TJP1: variants seen among roughly 807,000 people sequenced by gnomAD.
TJP1 encodes the protein tight junction protein ZO-1.
Under a neutral mutation model 194.2 loss-of-function variants are expected in TJP1, and 43 were observed. The observed-to-expected ratio is 0.22, with a 90% confidence interval of 0.17 to 0.29. TJP1 has a LOEUF of 0.29. Among genes scored for constraint, TJP1 ranks in the 10% least tolerant of loss-of-function variants. The probability of loss-of-function intolerance (pLI) is 1.00; values close to 1 mark genes in which losing one functional copy is unlikely to be tolerated. For missense variants in TJP1, 1,971 were observed against 2,185.7 expected, an observed-to-expected ratio of 0.90 and a Z score of 1.96; for synonymous variants, 801 against 779.0, an observed-to-expected ratio of 1.03 and a Z score of -0.47.
intron 2 of TJP1, among the ~76,000 whole-genome samples, chr15:29,864,057 T>C (rs938528267): frequency 7.9e-5 from 12 of 151,936 alleles, no homozygotes; most frequent in Non-Finnish European, 1.3e-4. Context: ...TACTTTTGTC[T>C]TCAACTGGTA....
intron 1 of TJP1, 75 bp downstream of exon 1, chr15:29,821,927 G>C: frequency 1.7e-6 from 2 of 1,176,688 alleles, no homozygotes; most frequent in Non-Finnish European, 2.1e-6. Context: ...GGGAGGGCGG[G>C]ACGCGGGCCA....
intron 2 of TJP1, among the ~76,000 whole-genome samples, chr15:29,830,161 A>G (rs2050792785): frequency 6.6e-6 from 1 of 152,016 alleles, no homozygotes; most frequent in Non-Finnish European, 1.5e-5. Context: ...TGAAAGTGGC[A>G]CTGTAAAAAA....
At chr15:29,883,027 T>A (rs2052993408) in intron 2 of TJP1, among the ~76,000 whole-genome samples, 1 of 152,184 alleles carries the variant, frequency 6.6e-6, no homozygotes, top group Admixed American at 6.5e-5. Flanking sequence ...AGAGCTAACC[T>A]AATTAACAGG....
At chr15:29,749,537 A>G (rs1426608384) in intron 8 of TJP1, among the ~76,000 whole-genome samples, 1 of 152,154 alleles carries the variant, frequency 6.6e-6, no homozygotes, top group Non-Finnish European at 1.5e-5. Context: ...GCATCCCCTC[A>G]GCATGCTCCT....
chr15:29,949,845 CCACCACCTCCACA>C, intron 2 of TJP1, among the ~76,000 whole-genome samples: 4 of 81,866 alleles, frequency 4.9e-5, no homozygotes, highest in Non-Finnish European at 7.0e-5. Context: ...ACCTCCACAA[CCACCACCTCCACA>C]ACCACCACCT....
At chr15:29,955,198 A>C (rs2055892017) in intron 2 of TJP1, among the ~76,000 whole-genome samples, 1 of 152,184 alleles carries the variant, frequency 6.6e-6, no homozygotes, top group Admixed American at 6.5e-5. Flanking sequence ...TCATTTTTTG[A>C]AACAATGGCC....
In TJP1 at chr15:29,801,096, C is replaced by T. The variant is rs149484067; in HGVS notation, c.28-394G>A. ...TTACAAACGAAGGGAAAGTTAAATGCCTCTGAACACAGTAATTATAAATAT... is the reference window on the plus strand; with the variant it reads ...TTACAAACGAAGGGAAAGTTAAATGTCTCTGAACACAGTAATTATAAATAT... On this transcript the variant is annotated intron_variant, in intron 1 of 27. Coordinates refer to ENST00000614355, the MANE Select transcript of TJP1 (RefSeq NM_001330239.4). 8.4e-4 allele frequency among the ~76,000 whole-genome samples: 128 copies of T among 152,252 alleles called. 1 individual carries two copies. The highest frequency in any genetic ancestry group is 3.9e-3 in the South Asian group (19 of 4,828).
intron 1 of TJP1, among the ~76,000 whole-genome samples, chr15:29,816,328 G>A (rs530148430): frequency 6.6e-6 from 1 of 152,150 alleles, no homozygotes; most frequent in African/African-American, 2.4e-5. Context: ...GCAAATTGGT[G>A]TCTTTCCTAA....
rs942148815 is a variant in TJP1, at chr15:29,905,993, C to A, written c.306+50239G>T. Among the ~76,000 whole-genome samples the A allele has an allele frequency of 1.8e-4, 28 of 152,016 alleles. 1 individual carries two copies. Among genetic ancestry groups the A allele is most frequent in the Admixed American group, 6.6e-5 (1 of 15,266 alleles). On this transcript the variant is annotated intron_variant, in intron 2 of 28. Coordinates refer to the TJP1 transcript ENST00000356107. Reference sequence around the variant, plus strand: ...AGATTGCAGAATGCCAAGAGTGAACCCAAATGTAAACCATGAACTTTGCAT... The same window carrying A: ...AGATTGCAGAATGCCAAGAGTGAACACAAATGTAAACCATGAACTTTGCAT...
In TJP1 at chr15:29,773,360, A is replaced by G. The variant is rs779684171; in HGVS notation, c.85-3T>C. ...ATTCCAAATCCAAATCCAGGAGCCT[A>G]AAGTAAAAATTACAGTAAAATATTG... On this transcript the variant is annotated splice_polypyrimidine_tract_variant and splice_region_variant and intron_variant, in intron 2 of 27. Transcript: ENST00000614355. 3.7e-6 allele frequency: 6 copies of G among 1,613,404 alleles called. No individual in the cohort carries two copies. In the African/African-American group the frequency reaches 4.0e-5, roughly 11 times the overall value.
intron 8 of TJP1, among the ~76,000 whole-genome samples, chr15:29,744,379 T>C (rs114068159): frequency 6.6e-6 from 1 of 152,264 alleles, no homozygotes; most frequent in African/African-American, 2.4e-5. Flanking sequence ...TCTAGAGAAA[T>C]ACAAATGTAC....
intron 2 of TJP1, among the ~76,000 whole-genome samples, chr15:29,949,417 T>TCCACCTTCACCACCACTTCCACCACCTCC (rs2055463386): frequency 3.2e-4 from 19 of 58,576 alleles, no homozygotes; most frequent in Non-Finnish European, 6.2e-4. Context: ...CCACCACCTC[T>TCCACCTTCACCACCACTTCCACCACCTCC]ACCTCCACAA....
intron 1 of TJP1, among the ~76,000 whole-genome samples, chr15:29,818,807 G>A (rs1041941930): frequency 3.3e-5 from 5 of 149,586 alleles, no homozygotes; most frequent in Non-Finnish European, 5.9e-5. Flanking sequence ...GCCCGGCCAC[G>A]TTTTTTCCTT....
intron 2 of TJP1, among the ~76,000 whole-genome samples, chr15:29,883,330 T>C (rs2053005001): frequency 6.6e-6 from 1 of 152,220 alleles, no homozygotes. Flanking sequence ...GTTGACTGCG[T>C]TGGGTGAAAT....
At chr15:29,878,150 C>T (rs1377658862) in intron 2 of TJP1, among the ~76,000 whole-genome samples, 1 of 151,996 alleles carries the variant, frequency 6.6e-6, no homozygotes, top group African/African-American at 2.4e-5. Flanking sequence ...CCCAGGATCA[C>T]GCCAGTCTCC....
chr15:29,720,178 T>C (rs904898246), intron 19 of TJP1, 162 bp from the exon 20 acceptor site: 12 of 1,143,024 alleles, frequency 1.0e-5, no homozygotes, highest in Non-Finnish European at 1.4e-5. Flanking sequence ...ATCCAGTACA[T>C]TGCTGTGTTA....
At chr15:29,859,245 C>T (rs569582846) in intron 2 of TJP1, among the ~76,000 whole-genome samples, 24 of 152,180 alleles carry the variant, frequency 1.6e-4, no homozygotes, top group African/African-American at 4.8e-4. Flanking sequence ...TCAAAGTGTT[C>T]GCATCTATTA....
At chr15:29,774,703 G>A (rs45615233) in intron 2 of TJP1, among the ~76,000 whole-genome samples, 3 of 151,910 alleles carry the variant, frequency 2.0e-5, no homozygotes, top group African/African-American at 4.8e-5. Flanking sequence ...CTCGGAACAC[G>A]CTAAAAACCA....
At chr15:29,766,628 T>A in intron 4 of TJP1, 86 bp from the exon 5 acceptor site, 1 of 1,304,334 alleles carries the variant, frequency 7.7e-7, no homozygotes, top group Admixed American at 2.8e-5. Flanking sequence ...ATTACACTTC[T>A]CATCCCATAT....
Sources: gnomAD v4.1 joint callset for allele counts (sites outside exome capture counted in the v4.1 genomes callset) on GRCh38, gnomAD v4.1.1 for gene constraint, MANE v1.5 for transcripts, NCBI Gene and HGNC (gene_info 2026-07-23, HGNC 2026-07-21) for gene names.